The following VPS13D variants were observed in gnomAD, a reference collection of about 807,000 sequenced individuals.
VPS13D encodes intermembrane lipid transfer protein VPS13D.
VPS13D carries 187 observed loss-of-function variants against 461.9 expected under a neutral mutation model. The observed-to-expected ratio is 0.40, with a 90% CI of 0.36 to 0.46. The LOEUF (loss-of-function observed/expected upper bound fraction) is 0.46. Among genes scored for constraint, VPS13D ranks in the 20% least tolerant of loss-of-function variants. VPS13D has a pLI of 0.60. For missense variants in VPS13D, 4,711 were observed against 5,364.9 expected (o/e 0.88, Z 3.81); for synonymous variants, 1,951 against 1,986.3 (o/e 0.98, Z 0.47).
rs371851741 is a variant in VPS13D at position 12,282,874 on chromosome 1, A to T, written c.4772A>T (p.Asn1591Ile). ...CGESSVERKE[N>I]GLFSHSSLSN... ...GAATCTTCTGTTGAAAGGAAGGAGA[A>T]TGGATTGTTCAGCCACTCCAGCCTT... Residue 1591 changes from asparagine (N) to isoleucine (I), a missense_variant, in exon 21 of 70, where the codon AAT (asparagine) becomes ATT (isoleucine). By Grantham distance (149) the Asn-to-Ile change is moderately radical. This residue lies in a region of VPS13D where 4,411 missense variants were observed against 4,937.8 expected (regional missense o/e 0.89). Coordinates refer to ENST00000620676, the MANE Select transcript of VPS13D (RefSeq NM_015378.4). The T allele has an allele frequency of 2.4e-5, 38 of 1,614,068 alleles. No homozygotes were observed. The African/African-American group carries it at 3.7e-4, about 16-fold the overall frequency.
chr1:12,442,041 T>A (rs1645138065), intron 65 of VPS13D, among the ~76,000 whole-genome samples: 1 of 152,178 alleles, frequency 6.6e-6, no homozygotes, highest in African/African-American at 2.4e-5. Context: ...TTAGCTTAAA[T>A]AATTGATATA....
At position 12,282,757 on chromosome 1, in the gene VPS13D, T is replaced by A; in HGVS notation, c.4655T>A (p.Leu1552His). 6.2e-7 allele frequency: 1 copy of A among 1,614,108 alleles called. No homozygotes were observed. Among genetic ancestry groups the A allele is most frequent in the Non-Finnish European group, 8.5e-7 (1 of 1,179,968 alleles). The change falls in exon 21 of 70, where the codon CTC becomes CAC. Residue 1552 changes from leucine (L) to histidine (H), a missense_variant. Physicochemically the swap from Leu to His is moderately conservative, Grantham distance 99 (BLOSUM62 -3). Transcript: ENST00000620676. Reference sequence around the variant, plus strand: ...CAGGTTTTACAAACCCTGGACAATCTCGTGTACAGTGAAGATCTGAATAAG... The same window carrying A: ...CAGGTTTTACAAACCCTGGACAATCACGTGTACAGTGAAGATCTGAATAAG... ...YEQVLQTLDNLVYSEDLNKYP... is the reference protein window; with the variant it reads ...YEQVLQTLDNHVYSEDLNKYP...
intron 27 of VPS13D, among the ~76,000 whole-genome samples, chr1:12,309,530 C>A (rs1234171079): frequency 6.7e-6 from 1 of 149,816 alleles, no homozygotes; most frequent in Non-Finnish European, 1.5e-5. Context: ...GAGGTCGAGG[C>A]GGCAGATCAC....
At chr1:12,320,730 A>G (rs576370749) in intron 32 of VPS13D, among the ~76,000 whole-genome samples, 18 of 152,228 alleles carry the variant, frequency 1.2e-4, no homozygotes, top group Non-Finnish European at 2.6e-4. Context: ...TGTCAGGTAC[A>G]ATTGGGTTTT....
At chr1:12,321,355 T>C (rs762606157) in intron 32 of VPS13D, among the ~76,000 whole-genome samples, 21 of 152,202 alleles carry the variant, frequency 1.4e-4, no homozygotes, top group Non-Finnish European at 8.8e-5. Flanking sequence ...AGTAACATTA[T>C]TTTGGGTTGT....
intron 60 of VPS13D, among the ~76,000 whole-genome samples, chr1:12,395,011 GA>G (rs1269634915): frequency 6.6e-6 from 1 of 151,856 alleles, no homozygotes; most frequent in East Asian, 1.9e-4. Flanking sequence ...AGTTCTTTTC[GA>G]GTGTAGTACA....
At chr1:12,242,632 ATTGT>A (rs766455416) in intron 3 of VPS13D, 42 bp downstream of exon 3, 1 of 1,563,062 alleles carries the variant, frequency 6.4e-7, no homozygotes, top group South Asian at 1.1e-5. Flanking sequence ...TGAGTCTTAA[ATTGT>A]TTGAGAGGTG....
Position 12,324,299 on chromosome 1 carries a change from G to A in VPS13D, c.7990+519G>A, listed in dbSNP as rs373290648. The stretch of plus-strand genomic sequence containing the variant: ...AGGCAGATGGATCGCCTGAGGTCAG[G>A]AGTTCAAGACCAGCCTGACCAACAT... On this transcript the variant is annotated intron_variant, in intron 35 of 69. Transcript: ENST00000620676. Among the ~76,000 whole-genome samples, 40 of 152,258 alleles carry A rather than the reference G, an allele frequency of 2.6e-4. 3 individuals are homozygous for A. Among genetic ancestry groups the A allele is most frequent in the Admixed American group, 2.1e-3 (32 of 15,292 alleles).
At chr1:12,460,431 C>T in intron 67 of VPS13D, 35 bp downstream of exon 67, 1 of 1,519,770 alleles carries the variant, frequency 6.6e-7, no homozygotes, top group Non-Finnish European at 8.8e-7. Context: ...TTTGCAGTTT[C>T]CAGCCTAGGT....
intron 63 of VPS13D, among the ~76,000 whole-genome samples, chr1:12,413,807 C>G (rs867790478): frequency 6.6e-6 from 1 of 151,296 alleles, no homozygotes; most frequent in Non-Finnish European, 1.5e-5. Context: ...ACGATCTATA[C>G]CAAGTGTTGA....
intron 23 of VPS13D, among the ~76,000 whole-genome samples, chr1:12,291,348 G>T (rs1642127311): frequency 6.6e-6 from 1 of 152,206 alleles, no homozygotes; most frequent in African/African-American, 2.4e-5. Context: ...TGGGGTATGA[G>T]TTAGGTGCGG....
intron 67 of VPS13D, among the ~76,000 whole-genome samples, chr1:12,496,362 G>A (rs1323204161): frequency 6.6e-6 from 1 of 152,202 alleles, no homozygotes; most frequent in Non-Finnish European, 1.5e-5. Flanking sequence ...AGTTATCCCA[G>A]CTGTGCATGG....
intron 67 of VPS13D, among the ~76,000 whole-genome samples, chr1:12,490,444 A>G (rs1350834113): frequency 6.6e-6 from 1 of 152,228 alleles, no homozygotes; most frequent in Non-Finnish European, 1.5e-5. Context: ...TCATCCTCTA[A>G]TAGAGTCTTC....
chr1:12,490,736 T>C (rs1338995776), intron 67 of VPS13D, among the ~76,000 whole-genome samples: 7 of 145,784 alleles, frequency 4.8e-5, no homozygotes, highest in Admixed American at 6.8e-5. Context: ...AGGTCCAAGA[T>C]AGATGAAGCC....
At chr1:12,491,137 C>A (rs1010393605) in intron 67 of VPS13D, among the ~76,000 whole-genome samples, 1 of 152,200 alleles carries the variant, frequency 6.6e-6, no homozygotes, top group African/African-American at 2.4e-5. Context: ...CAGTATATAT[C>A]AGTAAGATAC....
chr1:12,381,908 TTTTC>T (rs779848115), intron 57 of VPS13D, among the ~76,000 whole-genome samples: 5 of 81,694 alleles, frequency 6.1e-5, no homozygotes, highest in Middle Eastern at 0.015. Context: ...CTTTTTTTCT[TTTTC>T]TTTCTTTTCT....
Position 12,507,238 on chromosome 1 carries a change from T to G in VPS13D, c.13035+145T>G. The G allele has an allele frequency of 7.0e-7, 1 of 1,431,340 alleles. No individual in the cohort carries two copies. The highest frequency in any genetic ancestry group is 9.7e-7 in the Non-Finnish European group (1 of 1,026,020). 88.7% of individuals were successfully genotyped at this position (1,431,340 alleles called of 1,614,324 possible). ...GAGTGCTGCCTCTCAGTCCTGAACA[T>G]GGGAGGGGCCCAGGGTATGTTCACG... On this transcript the variant is annotated intron_variant, in intron 69 of 69. Coordinates refer to ENST00000620676, the MANE Select transcript of VPS13D (RefSeq NM_015378.4). This position sits in a 1 kb window ranked among gnomAD's most constrained non-coding sequence, Gnocchi z 5.3.
intron 62 of VPS13D, 71 bp from the exon 63 acceptor site, chr1:12,403,754 A>T: frequency 1.4e-6 from 2 of 1,431,378 alleles, no homozygotes; most frequent in Non-Finnish European, 1.9e-6. Flanking sequence ...CTATGTGAAT[A>T]CAAAGTGGAT....
At chr1:12,439,303 T>A (rs1645100818) in intron 65 of VPS13D, among the ~76,000 whole-genome samples, 1 of 152,112 alleles carries the variant, frequency 6.6e-6, no homozygotes, top group Non-Finnish European at 1.5e-5. Flanking sequence ...ACCCTCTGCC[T>A]TCAAACGTCC....
Sources: allele counts gnomAD v4.1 joint callset (sites outside exome capture counted in the v4.1 genomes callset), GRCh38; gene constraint gnomAD v4.1.1; regional missense constraint gnomAD v4.1.1; non-coding constraint Gnocchi (gnomAD v3.1); transcripts MANE v1.5; gene names NCBI Gene and HGNC (gene_info 2026-07-23, HGNC 2026-07-21).